Variants in ZCCHC7 observed in about 807,000 individuals in gnomAD.
ZCCHC7 encodes the protein zinc finger CCHC domain-containing protein 7.
In ZCCHC7, 35 loss-of-function variants were observed where a neutral mutation model predicts 52.0. That is an observed-to-expected ratio of 0.67 (90% CI 0.51 to 0.89). The LOEUF (loss-of-function observed/expected upper bound fraction) is 0.89, where lower values mean the gene tolerates loss of function less well. Ranked by LOEUF, ZCCHC7 falls within the 40% of genes least tolerant of loss-of-function variation. The pLI, the probability that ZCCHC7 is intolerant of heterozygous loss-of-function variation, is 0.00. For synonymous variants in ZCCHC7, 217 were observed against 221.5 expected, an observed-to-expected ratio of 0.98 and a Z score of 0.18; for missense variants, 574 against 649.1, an observed-to-expected ratio of 0.88 and a Z score of 1.26.
chr9:37,311,152 G>A (rs1248286685), intron 5 of ZCCHC7, among the ~76,000 whole-genome samples: 2 of 152,030 alleles, frequency 1.3e-5, no homozygotes, highest in African/African-American at 4.8e-5. Flanking sequence ...GCTCACAAGA[G>A]ACCATTGCAG....
chr9:37,327,035 G>T (rs1036898449), intron 5 of ZCCHC7: 1 of 151,954 alleles, frequency 6.6e-6, no homozygotes, highest in Non-Finnish European at 1.5e-5. Context: ...TCATAATTTA[G>T]GCATAAGAAG....
At chr9:37,218,544 C>T (rs1487357786) in intron 2 of ZCCHC7, among the ~76,000 whole-genome samples, 1 of 152,234 alleles carries the variant, frequency 6.6e-6, no homozygotes, top group Non-Finnish European at 1.5e-5. Flanking sequence ...TGGTGGCTCA[C>T]GCCTGTAATC....
intron 2 of ZCCHC7, among the ~76,000 whole-genome samples, chr9:37,128,498 C>T (rs1178405399): frequency 1.3e-5 from 2 of 152,122 alleles, no homozygotes; most frequent in African/African-American, 2.4e-5. Flanking sequence ...TTGTGGACCA[C>T]CCATGGTTGT....
chr9:37,305,286 A>G (rs910257987), intron 4 of ZCCHC7, among the ~76,000 whole-genome samples: 5 of 152,004 alleles, frequency 3.3e-5, no homozygotes, highest in African/African-American at 1.2e-4. Context: ...CATACCTTTC[A>G]TTTTGTCAAT....
At chr9:37,289,762 T>C (rs2133620277) in intron 2 of ZCCHC7, among the ~76,000 whole-genome samples, 1 of 152,322 alleles carries the variant, frequency 6.6e-6, no homozygotes, top group Non-Finnish European at 1.5e-5. Context: ...CTTCATAAAC[T>C]AATACCTCTG....
chr9:37,271,736 A>T (rs1827423871), intron 2 of ZCCHC7, among the ~76,000 whole-genome samples: 1 of 151,926 alleles, frequency 6.6e-6, no homozygotes, highest in Admixed American at 6.6e-5. Flanking sequence ...TGCCTGGCTA[A>T]TTTTTGTATT....
At chr9:37,214,032 TA>T (rs1474758180) in intron 2 of ZCCHC7, among the ~76,000 whole-genome samples, 1 of 151,670 alleles carries the variant, frequency 6.6e-6, no homozygotes, top group East Asian at 1.9e-4. Context: ...ATTTGTGTGT[TA>T]GAATTCATCA....
At chr9:37,317,633 G>A in intron 5 of ZCCHC7, among the ~76,000 whole-genome samples, 1 of 151,980 alleles carries the variant, frequency 6.6e-6, no homozygotes, top group East Asian at 1.9e-4. Flanking sequence ...TAAAATAAAA[G>A]GTTATTTGTT....
chr9:37,212,156 T>C (rs1451839505), intron 2 of ZCCHC7, among the ~76,000 whole-genome samples: 2 of 148,898 alleles, frequency 1.3e-5, no homozygotes, highest in African/African-American at 4.9e-5. Flanking sequence ...TACAACCTAG[T>C]GGCAGCTGGG....
intron 2 of ZCCHC7, among the ~76,000 whole-genome samples, chr9:37,267,393 G>A (rs1475225420): frequency 1.3e-5 from 2 of 151,588 alleles, no homozygotes; most frequent in Non-Finnish European, 1.5e-5. Flanking sequence ...TCTCCCATTT[G>A]GTGGTGGGGG....
chr9:37,176,220 G>A (rs995460844), intron 2 of ZCCHC7, among the ~76,000 whole-genome samples: 5 of 151,976 alleles, frequency 3.3e-5, no homozygotes, highest in African/African-American at 4.8e-5. Context: ...GACTACAGGC[G>A]CCTGCCACCA....
At position 37,127,058 on chromosome 9, in the gene ZCCHC7, G is replaced by A. The variant is rs182152852; in HGVS notation, c.610+116G>A. ...GTTTAATTCCTCACTTTTTGGTCTTGTTTTTTGGTTTGTTTCTCATGCGAC... is the reference window on the plus strand; with the variant it reads ...GTTTAATTCCTCACTTTTTGGTCTTATTTTTTGGTTTGTTTCTCATGCGAC... On this transcript the variant is annotated intron_variant, in intron 2 of 8. Transcript: ENST00000336755. 32 of 1,319,952 alleles carry A rather than the reference G, an allele frequency of 2.4e-5. No individual in the cohort carries two copies. In the African/African-American group the frequency reaches 4.1e-4, roughly 17 times the overall value. The allele number at this position is 1,319,952 out of a possible 1,614,324, so 81.8% of individuals were successfully genotyped here.
chr9:37,200,377 A>G (rs1273231331), intron 2 of ZCCHC7, among the ~76,000 whole-genome samples: 1 of 152,210 alleles, frequency 6.6e-6, no homozygotes, highest in African/African-American at 2.4e-5. Flanking sequence ...TAGAGCTGAC[A>G]CCAAGTTTTC....
chr9:37,130,747 C>T (rs1049177383), intron 2 of ZCCHC7, among the ~76,000 whole-genome samples: 6 of 151,622 alleles, frequency 4.0e-5, no homozygotes, highest in South Asian at 2.1e-4. Context: ...CCGCCTGCCT[C>T]GGCCTCCCAA....
chr9:37,295,494 T>A (rs2133658538), intron 2 of ZCCHC7, among the ~76,000 whole-genome samples: 1 of 152,308 alleles, frequency 6.6e-6, no homozygotes, highest in Non-Finnish European at 1.5e-5. Flanking sequence ...CAGTGTGTGA[T>A]AATAGAAATA....
At chr9:37,190,126 CAG>C (rs1222160570) in intron 2 of ZCCHC7, among the ~76,000 whole-genome samples, 1 of 152,088 alleles carries the variant, frequency 6.6e-6, no homozygotes, top group Non-Finnish European at 1.5e-5. Context: ...AGCAAGAAGA[CAG>C]AGAAAAAAAT....
At chr9:37,315,298 T>C (rs1829767977) in intron 5 of ZCCHC7, among the ~76,000 whole-genome samples, 1 of 152,114 alleles carries the variant, frequency 6.6e-6, no homozygotes, top group Non-Finnish European at 1.5e-5. Flanking sequence ...ACAATTAGCT[T>C]GCCTTTATTT....
intron 2 of ZCCHC7, among the ~76,000 whole-genome samples, chr9:37,191,368 A>T (rs746350722): frequency 1.3e-5 from 2 of 152,144 alleles, no homozygotes; most frequent in Admixed American, 6.5e-5. Context: ...TTGAAAGTAT[A>T]TTGAACATTT....
chr9:37,337,522 T>A (rs1588691118), intron 6 of ZCCHC7, among the ~76,000 whole-genome samples: 1 of 151,996 alleles, frequency 6.6e-6, no homozygotes, highest in South Asian at 2.1e-4. Context: ...TTTGTGGCAG[T>A]GCTTGTTTCA....
Sources: allele counts gnomAD v4.1 joint callset (sites outside exome capture counted in the v4.1 genomes callset), GRCh38; gene constraint gnomAD v4.1.1; transcripts MANE v1.5; gene names NCBI Gene and HGNC (gene_info 2026-07-23, HGNC 2026-07-21).